PHACTR1: variants seen among roughly 807,000 people sequenced by gnomAD.
The protein encoded by PHACTR1 is phosphatase and actin regulator 1.
In PHACTR1, 16 loss-of-function variants were observed where a neutral mutation model predicts 69.2. The ratio of observed to expected loss-of-function variants is 0.23; its 90% CI spans 0.16 to 0.35. The LOEUF (loss-of-function observed/expected upper bound fraction) is 0.35, where lower values mean the gene tolerates loss of function less well. Ranked by LOEUF, PHACTR1 falls within the 10% of genes least tolerant of loss-of-function variation. The probability of loss-of-function intolerance (pLI) is 1.00; values close to 1 mark genes in which losing one functional copy is unlikely to be tolerated. For synonymous variants in PHACTR1, 312 were observed against 284.5 expected (o/e 1.10, Z -0.97); for missense variants, 510 against 734.7 (o/e 0.69, Z 3.54).
chr6:13,077,220 G>T (rs571981248), intron 5 of PHACTR1, among the ~76,000 whole-genome samples: 1 of 151,300 alleles, frequency 6.6e-6, no homozygotes, highest in African/African-American at 2.4e-5. Flanking sequence ...TCTAAGTGTG[G>T]TTTATGCATT....
intron 4 of PHACTR1, among the ~76,000 whole-genome samples, chr6:13,047,352 TG>T (rs1805225021): frequency 8.4e-6 from 1 of 118,924 alleles, no homozygotes; most frequent in African/African-American, 3.4e-5. Context: ...CACTCCAGCC[TG>T]GGTGACAGAG....
At chr6:13,186,539 G>A (rs534875685) in intron 7 of PHACTR1, among the ~76,000 whole-genome samples, 59 of 152,280 alleles carry the variant, frequency 3.9e-4, no homozygotes, top group African/African-American at 1.4e-3. Context: ...GAACTGTTGA[G>A]TCAAAGATTA....
intron 5 of PHACTR1, among the ~76,000 whole-genome samples, chr6:13,121,923 C>G (rs1334168339): frequency 2.0e-5 from 3 of 152,114 alleles, no homozygotes; most frequent in Non-Finnish European, 2.9e-5. Context: ...ATGTGAAGTT[C>G]AGGACTGCAT....
At chr6:13,242,996 A>G (rs1255244703) in intron 10 of PHACTR1, among the ~76,000 whole-genome samples, 1 of 152,230 alleles carries the variant, frequency 6.6e-6, no homozygotes, top group Non-Finnish European at 1.5e-5. Context: ...TTCAACTGGA[A>G]AAGACACAGC....
intron 4 of PHACTR1, among the ~76,000 whole-genome samples, chr6:12,806,742 C>G (rs1774384569): frequency 6.6e-6 from 1 of 151,966 alleles, no homozygotes; most frequent in Non-Finnish European, 1.5e-5. Flanking sequence ...TTTTATAAAA[C>G]AGATCTGCAT....
chr6:12,776,205 A>G (rs1770040750), intron 4 of PHACTR1, among the ~76,000 whole-genome samples: 1 of 152,232 alleles, frequency 6.6e-6, no homozygotes. Flanking sequence ...TCAGCCTAGA[A>G]AGTGCTGATT....
intron 5 of PHACTR1, among the ~76,000 whole-genome samples, chr6:13,131,418 T>C (rs1387448838): frequency 6.6e-6 from 1 of 151,642 alleles, no homozygotes; most frequent in Non-Finnish European, 1.5e-5. Flanking sequence ...GGCATAAGAA[T>C]GATATAATGG....
intron 4 of PHACTR1, among the ~76,000 whole-genome samples, chr6:12,979,359 G>C (rs1054274646): frequency 3.3e-5 from 5 of 152,136 alleles, no homozygotes; most frequent in Admixed American, 2.0e-4. Context: ...GCTGCACCAG[G>C]CATTGAACAA....
At chr6:13,207,916 G>T (rs1255054188) in intron 8 of PHACTR1, among the ~76,000 whole-genome samples, 2 of 151,290 alleles carry the variant, frequency 1.3e-5, no homozygotes, top group Non-Finnish European at 1.5e-5. Context: ...CTCTGCTCCT[G>T]CCTGTCAGCT....
chr6:13,023,386 G>A (rs1169517053), intron 4 of PHACTR1, among the ~76,000 whole-genome samples: 2 of 152,140 alleles, frequency 1.3e-5, no homozygotes, highest in African/African-American at 2.4e-5. Context: ...CTCTGTTATT[G>A]TTTCAATGTG....
chr6:13,172,625 T>C lies in PHACTR1; in HGVS notation c.497-9894T>C, dbSNP rs192289641. ...TACCCAGGGTCAATGTCTTTGCCAC[T>C]CTTGTGATGGAAAGTCATTGCATCT... On this transcript the variant is annotated intron_variant, in intron 6 of 14. Transcript: ENST00000332995. Among the ~76,000 whole-genome samples, 131 of 152,350 alleles carry C rather than the reference T, an allele frequency of 8.6e-4. 2 individuals carry two copies. The East Asian group carries it at 0.021, about 25-fold the overall frequency.
intron 4 of PHACTR1, among the ~76,000 whole-genome samples, chr6:13,019,053 AATAT>A (rs139940828): frequency 9.0e-6 from 1 of 110,506 alleles, no homozygotes; most frequent in South Asian, 3.0e-4. Flanking sequence ...TTACAGTTGA[AATAT>A]ATATATATAT....
intron 3 of PHACTR1, among the ~76,000 whole-genome samples, chr6:12,734,879 AG>A (rs956379978): frequency 6.6e-6 from 1 of 152,244 alleles, no homozygotes; most frequent in Non-Finnish European, 1.5e-5. Flanking sequence ...TTAAGATTTC[AG>A]TTTTCTGATA....
At chr6:12,920,749 C>T (rs1787551641) in intron 4 of PHACTR1, among the ~76,000 whole-genome samples, 1 of 152,186 alleles carries the variant, frequency 6.6e-6, no homozygotes, top group African/African-American at 2.4e-5. Flanking sequence ...GCAAAATAAA[C>T]AAAAGAAAGA....
intron 4 of PHACTR1, among the ~76,000 whole-genome samples, chr6:12,817,318 T>A (rs1775701562): frequency 6.6e-6 from 1 of 152,208 alleles, no homozygotes; most frequent in Admixed American, 6.5e-5. Context: ...TTTACTCCTC[T>A]CTGTACCTTT....
chr6:12,874,942 G>A (rs1400248044), intron 4 of PHACTR1, among the ~76,000 whole-genome samples: 1 of 152,154 alleles, frequency 6.6e-6, no homozygotes, highest in Non-Finnish European at 1.5e-5. Context: ...TAATTCATCT[G>A]GCAGACCTTG....
chr6:12,846,661 A>G lies in PHACTR1; in HGVS notation c.250+96871A>G, dbSNP rs562479453. The stretch of plus-strand genomic sequence containing the variant: ...TAACTTTTGAAGTAATATTAATCTT[A>G]CAGGAATTTTGGAAATATAGGAATG... On this transcript the variant is annotated intron_variant, in intron 4 of 14. Transcript: ENST00000332995. Among the ~76,000 whole-genome samples, 6 of 151,392 alleles carry G rather than the reference A, an allele frequency of 4.0e-5. No homozygotes were observed. In the South Asian group the frequency reaches 1.3e-3, roughly 32 times the overall value.
At chr6:13,046,301 C>G (rs1172173022) in intron 4 of PHACTR1, among the ~76,000 whole-genome samples, 1 of 152,276 alleles carries the variant, frequency 6.6e-6, no homozygotes, top group East Asian at 1.9e-4. Flanking sequence ...TTGCATTACT[C>G]AAGTCATCCA....
At chr6:12,823,714 C>T (rs945769130) in intron 4 of PHACTR1, among the ~76,000 whole-genome samples, 7 of 152,082 alleles carry the variant, frequency 4.6e-5, no homozygotes, top group East Asian at 1.9e-4. Context: ...CTCTACATTT[C>T]GATTTTGTCG....
Sources: allele counts gnomAD v4.1 joint callset (sites outside exome capture counted in the v4.1 genomes callset), GRCh38; gene constraint gnomAD v4.1.1; transcripts MANE v1.5; gene names NCBI Gene and HGNC (gene_info 2026-07-23, HGNC 2026-07-21).